Variants in DOCK9 observed in about 807,000 individuals in gnomAD.
DOCK9 encodes the protein dedicator of cytokinesis 9.
In DOCK9, 89 loss-of-function variants were observed where a neutral mutation model predicts 263.3. That is an observed-to-expected ratio of 0.34 (90% CI 0.28 to 0.40). The LOEUF is 0.40. DOCK9 is among the 10% of genes least tolerant of loss of function. The pLI, the probability that DOCK9 is intolerant of heterozygous loss-of-function variation, is 1.00. For missense variants in DOCK9, 2,140 were observed against 2,603.4 expected (o/e 0.82, Z 3.87); for synonymous variants, 976 against 973.1 (o/e 1.00, Z -0.06).
Position 98,953,132 on chromosome 13 carries a change from T to C in DOCK9, c.243+2303A>G, listed in dbSNP as rs1355375246. Among the ~76,000 whole-genome samples the C allele has an allele frequency of 2.6e-5, 4 of 152,150 alleles. No homozygotes were observed. In the East Asian group the frequency reaches 7.7e-4, roughly 29 times the overall value. ...ACAAGAAAGCACAGAGTACATGGCT[T>C]TACCTGATAAGAAAGTGGGAGTCTA... On this transcript the variant is annotated intron_variant, in intron 2 of 52. Coordinates refer to ENST00000682017, the MANE Select transcript of DOCK9 (RefSeq NM_001366683.2).
At chr13:98,808,748 A>G (rs1439969631) in intron 47 of DOCK9, 4 of 921,214 alleles carry the variant, frequency 4.3e-6, no homozygotes, top group Non-Finnish European at 6.8e-6. Flanking sequence ...CACACGCCCT[A>G]AATATATGTA....
chr13:99,069,424 G>A (rs965059676), intron 1 of DOCK9, among the ~76,000 whole-genome samples: 8 of 152,170 alleles, frequency 5.3e-5, no homozygotes, highest in East Asian at 1.9e-4. Context: ...ATACAAGCAC[G>A]GAGGAGATCC....
At chr13:98,862,788 A>G (rs921026223) in intron 32 of DOCK9, among the ~76,000 whole-genome samples, 62 of 152,290 alleles carry the variant, frequency 4.1e-4, no homozygotes, top group African/African-American at 1.4e-3. Context: ...CGATGCCACT[A>G]CAAGCCAGAG....
At chr13:98,870,021 A>G (rs1031884872) in intron 27 of DOCK9, among the ~76,000 whole-genome samples, 3 of 152,228 alleles carry the variant, frequency 2.0e-5, no homozygotes, top group Admixed American at 6.5e-5. Context: ...ATGATTGTCC[A>G]AGAGAGAAAT....
chr13:98,924,055 G>A (rs1260340044), intron 4 of DOCK9, among the ~76,000 whole-genome samples: 2 of 152,192 alleles, frequency 1.3e-5, no homozygotes, highest in Admixed American at 6.5e-5. Context: ...TAGATAGTAA[G>A]TATACGACAT....
chr13:98,966,278 C>T (rs1207550935), intron 1 of DOCK9, among the ~76,000 whole-genome samples: 2 of 152,202 alleles, frequency 1.3e-5, no homozygotes, highest in Admixed American at 6.5e-5. Context: ...ACCCTGATAC[C>T]GGCCATGGGC....
At chr13:98,871,146 C>T (rs1234447092) in intron 27 of DOCK9, among the ~76,000 whole-genome samples, 2 of 152,034 alleles carry the variant, frequency 1.3e-5, no homozygotes, top group Non-Finnish European at 2.9e-5. Context: ...TTTTTAAAGG[C>T]TTATCTGTTA....
At chr13:99,038,212 A>C (rs923871026) in intron 1 of DOCK9, among the ~76,000 whole-genome samples, 2 of 151,538 alleles carry the variant, frequency 1.3e-5, no homozygotes, top group Non-Finnish European at 2.9e-5. Context: ...TTCAGACTCT[A>C]AAGTTATCAA....
At chr13:98,966,162 A>G (rs1317705585) in intron 1 of DOCK9, among the ~76,000 whole-genome samples, 1 of 152,234 alleles carries the variant, frequency 6.6e-6, no homozygotes, top group Non-Finnish European at 1.5e-5. Context: ...ACGGGAATTT[A>G]GGAGACTTCC....
chr13:98,865,587 A>G (rs1415127202), intron 30 of DOCK9, among the ~76,000 whole-genome samples: 1 of 152,194 alleles, frequency 6.6e-6, no homozygotes, highest in Non-Finnish European at 1.5e-5. Flanking sequence ...CAAATACCCT[A>G]GAAGTCTATA....
intron 27 of DOCK9, among the ~76,000 whole-genome samples, chr13:98,878,092 C>T (rs1423045648): frequency 6.6e-6 from 1 of 152,092 alleles, no homozygotes; most frequent in Admixed American, 6.6e-5. Context: ...GACTGGTGTC[C>T]TCCTAAGAAG....
intron 36 of DOCK9, 80 bp downstream of exon 36, chr13:98,849,967 T>C (rs1251433104): frequency 9.7e-7 from 1 of 1,029,460 alleles, no homozygotes; most frequent in Admixed American, 2.2e-5. Flanking sequence ...CTCCTCTGGT[T>C]CAACTACATA....
In DOCK9 at chr13:98,920,991, C is replaced by T; in HGVS notation, c.680G>A (p.Gly227Glu). 1 of 1,607,404 alleles carries T rather than the reference C, an allele frequency of 6.2e-7. No individual in the cohort carries two copies. The highest frequency in any genetic ancestry group is 8.5e-7 in the Non-Finnish European group (1 of 1,176,512). Residue 227 changes from glycine to glutamate, a missense_variant, in exon 7 of 53, where the codon GGA (glycine) becomes GAA (glutamate). Physicochemically the swap from Gly to Glu is moderately conservative, Grantham distance 98 (BLOSUM62 -2). Coordinates refer to ENST00000682017, the MANE Select transcript of DOCK9 (RefSeq NM_001366683.2). The stretch of plus-strand genomic sequence containing the variant: ...CATACAGGAATCCAGAAATATTGAT[C>T]CTTTTGGTTCTTTGGAGATCTTTTC... Reference protein sequence around the residue: ...KDEKISKEPKGSIFLDSCMGV... With the variant: ...KDEKISKEPKESIFLDSCMGV...
At chr13:99,021,799 C>G (rs1023211793) in intron 1 of DOCK9, among the ~76,000 whole-genome samples, 3 of 151,968 alleles carry the variant, frequency 2.0e-5, no homozygotes, top group African/African-American at 7.3e-5. Context: ...GAGTTGAACA[C>G]CGGGGCCTGT....
intron 1 of DOCK9, among the ~76,000 whole-genome samples, chr13:98,994,085 A>G (rs1880441914): frequency 6.6e-6 from 1 of 152,204 alleles, no homozygotes; most frequent in Non-Finnish European, 1.5e-5. Flanking sequence ...ATTAAAATAA[A>G]AAAACTTTAA....
rs1566827382 is a variant in DOCK9, at chr13:98,880,576, C to T, written c.2842G>A (p.Asp948Asn). The stretch of plus-strand genomic sequence containing the variant: ...AGTAGTTTGTTGCTGGTGAGGAAAT[C>T]GGCAGAAGGCTTGAGAATCGTGGTC... Reference protein sequence around the residue: ...SMTTILKPSADFLTSNKLLKY... With the variant: ...SMTTILKPSANFLTSNKLLKY... The change falls in exon 26 of 53, where the codon GAT becomes AAT. Residue 948 changes from aspartate to asparagine, a missense_variant. Transcript: ENST00000682017. 5 of 1,613,850 alleles carry T rather than the reference C, an allele frequency of 3.1e-6. No homozygotes were observed. Among genetic ancestry groups the T allele is most frequent in the Non-Finnish European group, 4.2e-6 (5 of 1,179,844 alleles).
chr13:98,985,043 G>A (rs1212346440), intron 1 of DOCK9, among the ~76,000 whole-genome samples: 1 of 139,036 alleles, frequency 7.2e-6, no homozygotes, highest in Non-Finnish European at 1.5e-5. Flanking sequence ...GAACTATAAC[G>A]TGCTATCAGT....
chr13:98,955,434 C>T lies in DOCK9; in HGVS notation c.243+1G>A. On this transcript the variant is annotated splice_donor_variant, in intron 2 of 52. Transcript: ENST00000682017. LOFTEE classifies it high-confidence loss of function. ...ACGGATAGAAACATAACGTTACTTA[C>T]CTGAAAGTCATCGTAAGGGAAGAGC... The T allele has an allele frequency of 6.4e-7, 1 of 1,573,152 alleles. No homozygotes were observed. Among genetic ancestry groups the T allele is most frequent in the Non-Finnish European group, 8.6e-7 (1 of 1,156,082 alleles).
intron 1 of DOCK9, among the ~76,000 whole-genome samples, chr13:99,065,191 T>C (rs1164691865): frequency 6.6e-6 from 1 of 152,178 alleles, no homozygotes; most frequent in Non-Finnish European, 1.5e-5. Context: ...ATTCATTGAA[T>C]AAATAAATGT....
Sources: gnomAD v4.1 joint callset for allele counts (sites outside exome capture counted in the v4.1 genomes callset) on GRCh38, gnomAD v4.1.1 for gene constraint, MANE v1.5 for transcripts, NCBI Gene and HGNC (gene_info 2026-07-23, HGNC 2026-07-21) for gene names.